NOX4: variants seen among roughly 807,000 people sequenced by gnomAD.
NOX4 encodes kidney oxidase-1.
Under a neutral mutation model 87.6 loss-of-function variants are expected in NOX4, and 69 were observed. The ratio of observed to expected loss-of-function variants is 0.79; its 90% CI spans 0.65 to 0.96. The LOEUF is 0.96. NOX4 is among the 40% of genes least tolerant of loss of function. The probability of loss-of-function intolerance (pLI) is 0.00; values close to 1 mark genes in which losing one functional copy is unlikely to be tolerated. For synonymous variants in NOX4, 275 were observed against 238.2 expected (o/e 1.15, Z -1.42); for missense variants, 680 against 681.5 (o/e 1.00, Z 0.02).
chr11:89,430,381 G>T (rs1403095870), intron 7 of NOX4, among the ~76,000 whole-genome samples: 1 of 152,078 alleles, frequency 6.6e-6, no homozygotes, highest in Non-Finnish European at 1.5e-5. Context: ...AAGAAATAAA[G>T]GATATTCAAT....
intron 11 of NOX4, among the ~76,000 whole-genome samples, chr11:89,392,423 G>A (rs1228664724): frequency 1.3e-5 from 2 of 152,070 alleles, no homozygotes; most frequent in South Asian, 4.1e-4. Context: ...CGTGAGGTGA[G>A]GAAAAGCTCT....
rs888275465 is a variant in NOX4, at chr11:89,356,588, T to C, written c.1136-1545A>G. On this transcript the variant is annotated intron_variant, in intron 12 of 17. Coordinates refer to ENST00000263317, the MANE Select transcript of NOX4 (RefSeq NM_016931.5). ...AAGGCTTCCTTGATCCCTCCATTAC[T>C]TTTTTGTTCTCTCCTCCTGCCCAAT... 1.5e-4 allele frequency among the ~76,000 whole-genome samples: 23 copies of C among 152,240 alleles called. 1 individual carries two copies. The highest frequency in any genetic ancestry group is 5.5e-4 in the African/African-American group (23 of 41,562).
At chr11:89,426,262 T>C (rs927375141) in intron 7 of NOX4, among the ~76,000 whole-genome samples, 8 of 152,012 alleles carry the variant, frequency 5.3e-5, no homozygotes, top group African/African-American at 9.7e-5. Context: ...AATGGCCAAA[T>C]AGGAACAGCT....
chr11:89,559,306 A>C, the NOX4 span, among the ~76,000 whole-genome samples: 4 of 152,180 alleles, frequency 2.6e-5, no homozygotes, highest in Non-Finnish European at 5.9e-5. Flanking sequence ...TAATGAGAGG[A>C]AGGAGTCTAT....
the NOX4 span, among the ~76,000 whole-genome samples, chr11:89,508,951 T>C: frequency 6.6e-6 from 1 of 152,060 alleles, no homozygotes; most frequent in African/African-American, 2.4e-5. Context: ...AGATTTTTTT[T>C]AAAAATGGTG....
chr11:89,359,480 T>C (rs1172285454), intron 12 of NOX4, among the ~76,000 whole-genome samples: 1 of 148,992 alleles, frequency 6.7e-6, no homozygotes, highest in Non-Finnish European at 1.5e-5. Flanking sequence ...TATGCAAACC[T>C]ATTCCTGGGA....
At chr11:89,424,477 T>A (rs999666098) in intron 7 of NOX4, among the ~76,000 whole-genome samples, 7 of 151,784 alleles carry the variant, frequency 4.6e-5, no homozygotes, top group African/African-American at 1.7e-4. Flanking sequence ...TTTTACTATA[T>A]GTAAATATTG....
chr11:89,571,302 ATTTATACTTTTT>A, the NOX4 span, among the ~76,000 whole-genome samples: 1 of 118,050 alleles, frequency 8.5e-6, no homozygotes, highest in Middle Eastern at 5.0e-3. Flanking sequence ...TTCTTCTCTG[ATTTATACTTTTT>A]TTTTTTTTCG....
chr11:89,497,561 C>G (rs12276146), intron 1 of NOX4, among the ~76,000 whole-genome samples: 77,395 of 152,046 alleles, frequency 0.51, 22,408 homozygotes, highest in Non-Finnish European at 0.68. Flanking sequence ...GAAATTAAAG[C>G]CTTTTTCTCA....
chr11:89,499,230 C>T (rs1252245020), upstream of NOX4: 4 of 152,242 alleles, frequency 2.6e-5, no homozygotes, highest in East Asian at 5.8e-4. Flanking sequence ...ACCCCTTGTC[C>T]TTTGGCTGCA....
chr11:89,339,700 G>A (rs1166541385), intron 15 of NOX4, among the ~76,000 whole-genome samples: 1 of 152,100 alleles, frequency 6.6e-6, no homozygotes, highest in Non-Finnish European at 1.5e-5. Flanking sequence ...AGGATGGAAG[G>A]TGTTACAGCA....
chr11:89,502,476 T>A (rs1391687636), upstream of NOX4, among the ~76,000 whole-genome samples: 4 of 152,072 alleles, frequency 2.6e-5, no homozygotes, highest in African/African-American at 9.7e-5. Flanking sequence ...AATAAGACTA[T>A]GCTCTAGGAG....
At chr11:89,496,870 G>T (rs183549885), upstream of NOX4, among the ~76,000 whole-genome samples, 2 of 152,100 alleles carry the variant, frequency 1.3e-5, no homozygotes, top group Non-Finnish European at 2.9e-5. Context: ...AGGTAGGAAG[G>T]TAGGTAAGGC....
rs565207039 is a variant in NOX4, at chr11:89,400,035, A to G, written c.1056T>C (p.His352=). The change falls in exon 11 of 18, where the codon CAT becomes CAC. Residue 352 remains histidine, a synonymous_variant. Coordinates refer to ENST00000263317, the MANE Select transcript of NOX4 (RefSeq NM_016931.5). ...HCPSVSALEN[H]PFTLTMCPTE... is the part of the protein sequence containing the mutation. Reference sequence around the variant, plus strand: ...TTCTTACCATTGTGAGGGTAAATGGATGATTTTCTAATGCAGATACACTGG... The same window carrying G: ...TTCTTACCATTGTGAGGGTAAATGGGTGATTTTCTAATGCAGATACACTGG... 7 of 1,608,846 alleles carry G rather than the reference A, an allele frequency of 4.4e-6. No individual in the cohort carries two copies. In the African/African-American group the frequency reaches 9.3e-5, roughly 21 times the overall value.
the NOX4 span, among the ~76,000 whole-genome samples, chr11:89,581,449 G>A: frequency 6.6e-6 from 1 of 152,076 alleles, no homozygotes; most frequent in African/African-American, 2.4e-5. Context: ...AACTATAAAT[G>A]CTTATTAATG....
the NOX4 span, among the ~76,000 whole-genome samples, chr11:89,549,095 A>G: frequency 1.3e-5 from 2 of 152,228 alleles, no homozygotes; most frequent in African/African-American, 4.8e-5. Flanking sequence ...GCAAACCAAA[A>G]GGCCCAGAAC....
At chr11:89,465,681 G>A (rs191012879) in intron 2 of NOX4, among the ~76,000 whole-genome samples, 48 of 152,284 alleles carry the variant, frequency 3.2e-4, no homozygotes, top group African/African-American at 1.0e-3. Context: ...TCTAACTGGT[G>A]TGAGATGGTA....
chr11:89,515,592 T>C, the NOX4 span, among the ~76,000 whole-genome samples: 1 of 151,866 alleles, frequency 6.6e-6, no homozygotes, highest in African/African-American at 2.4e-5. Flanking sequence ...AATTAATATA[T>C]TTAATAGTTA....
At chr11:89,438,941 ATAT>A (rs1944327637) in intron 6 of NOX4, among the ~76,000 whole-genome samples, 1 of 69,954 alleles carries the variant, frequency 1.4e-5, no homozygotes, top group African/African-American at 5.2e-5. Flanking sequence ...AATATAATAT[ATAT>A]TATTTTATAT....
Sources: allele counts gnomAD v4.1 joint callset (sites outside exome capture counted in the v4.1 genomes callset), GRCh38; gene constraint gnomAD v4.1.1; transcripts MANE v1.5; gene names NCBI Gene and HGNC (gene_info 2026-07-23, HGNC 2026-07-21).